Variants in GRID1 observed in about 807,000 individuals in gnomAD.
GRID1 encodes the protein glutamate receptor ionotropic, delta-1.
In GRID1, 28 loss-of-function variants were observed where a neutral mutation model predicts 98.0. The ratio of observed to expected loss-of-function variants is 0.29; its 90% CI spans 0.21 to 0.39. The LOEUF (loss-of-function observed/expected upper bound fraction) is 0.39, where lower values mean the gene tolerates loss of function less well. Ranked by LOEUF, GRID1 falls within the 10% of genes least tolerant of loss-of-function variation. GRID1 has a pLI of 1.00. For missense variants in GRID1, 1,111 were observed against 1,340.5 expected, an observed-to-expected ratio of 0.83 and a Z score of 2.67; for synonymous variants, 553 against 538.5, an observed-to-expected ratio of 1.03 and a Z score of -0.37.
At chr10:86,113,756 A>G (rs544888182) in intron 4 of GRID1, among the ~76,000 whole-genome samples, 1 of 152,308 alleles carries the variant, frequency 6.6e-6, no homozygotes, top group South Asian at 2.1e-4. Context: ...GGCTGGGCTC[A>G]TCAAGAAGAC....
At chr10:85,757,280 G>A (rs1459430299) in intron 8 of GRID1, among the ~76,000 whole-genome samples, 1 of 152,158 alleles carries the variant, frequency 6.6e-6, no homozygotes, top group Non-Finnish European at 1.5e-5. Context: ...TGGATGAGAA[G>A]GAAAGTTTTC....
intron 4 of GRID1, among the ~76,000 whole-genome samples, chr10:86,062,978 C>T (rs903799186): frequency 3.3e-5 from 5 of 152,248 alleles, no homozygotes; most frequent in African/African-American, 1.2e-4. Flanking sequence ...GTGGGTCCTA[C>T]CCAGAACTTG....
intron 4 of GRID1, among the ~76,000 whole-genome samples, chr10:85,990,151 C>T (rs1157460012): frequency 1.5e-4 from 23 of 152,156 alleles, no homozygotes; most frequent in Admixed American, 1.5e-3. Context: ...GACACCTTTG[C>T]AAATTATTCA....
At chr10:86,180,649 A>C (rs1055381203) in intron 3 of GRID1, among the ~76,000 whole-genome samples, 4 of 152,138 alleles carry the variant, frequency 2.6e-5, no homozygotes, top group Admixed American at 2.6e-4. Context: ...ACATATGCCA[A>C]AAGCTGCTCC....
chr10:85,619,994 C>A lies in GRID1; in HGVS notation c.2233G>T (p.Val745Leu), dbSNP rs747770345. The A allele has an allele frequency of 1.1e-5, 18 of 1,613,972 alleles. No individual in the cohort carries two copies. Among genetic ancestry groups the A allele is most frequent in the Non-Finnish European group, 1.5e-5 (18 of 1,179,942 alleles). ...GNYAFLWDVAVVEYAALTDDD... is the reference protein window; with the variant it reads ...GNYAFLWDVALVEYAALTDDD... ...TCCGTCAGGGCTGCGTATTCCACCA[C>A]GGCCACATCCCACAGGAAGGCGTAG... The change falls in exon 14 of 16, where the codon GTG (valine) becomes TTG (leucine). Residue 745 changes from valine to leucine, a missense_variant. Transcript: ENST00000327946.
intron 8 of GRID1, among the ~76,000 whole-genome samples, chr10:85,734,798 C>T (rs1255280016): frequency 1.3e-5 from 2 of 152,228 alleles, no homozygotes; most frequent in South Asian, 2.1e-4. Context: ...CAAGGCCATC[C>T]GTCTGCAATC....
chr10:86,281,727 G>GT (rs1000338486), intron 2 of GRID1, among the ~76,000 whole-genome samples: 1 of 152,104 alleles, frequency 6.6e-6, no homozygotes, highest in East Asian at 1.9e-4. Flanking sequence ...AGCTGGGGAG[G>GT]TTTTTTAAAA....
intron 3 of GRID1, among the ~76,000 whole-genome samples, chr10:86,194,266 C>T (rs552984805): frequency 1.3e-5 from 2 of 152,164 alleles, no homozygotes; most frequent in South Asian, 2.1e-4. Flanking sequence ...CCCTGTGTGA[C>T]GGCCAAGAAC....
At chr10:86,230,502 A>G (rs142826647) in intron 2 of GRID1, among the ~76,000 whole-genome samples, 2,286 of 152,246 alleles carry the variant, frequency 0.015, 63 homozygotes, top group African/African-American at 0.052. Flanking sequence ...GCTTCTCCTG[A>G]TCAGCTCTGG....
In GRID1 at chr10:85,601,876, T is replaced by G; in HGVS notation, c.*397A>C. Reference sequence around the variant, plus strand: ...CTGTGGGACAAGGCAGCGAGTGGCATGTGGGGTTCCTCGTCTTCCCTTCTC... The same window carrying G: ...CTGTGGGACAAGGCAGCGAGTGGCAGGTGGGGTTCCTCGTCTTCCCTTCTC... On this transcript the variant is annotated 3_prime_UTR_variant, in exon 16 of 16. Transcript: ENST00000327946. 2.3e-5 allele frequency: 4 copies of G among 172,464 alleles called. No homozygotes were observed. Among genetic ancestry groups the G allele is most frequent in the Non-Finnish European group, 3.7e-5 (3 of 81,298 alleles). The allele number at this position is 172,464 out of a possible 1,614,324, so 10.7% of individuals were successfully genotyped here.
rs139698646 is a variant in GRID1 at position 86,028,094 on chromosome 10, C to T, written c.726+110725G>A. Reference sequence around the variant, plus strand: ...TTCTCAAATTACACATCTCACAAGACGCTGAGATGCCATTCACCCACCAGG... The same window carrying T: ...TTCTCAAATTACACATCTCACAAGATGCTGAGATGCCATTCACCCACCAGG... On this transcript the variant is annotated intron_variant, in intron 4 of 15. Transcript: ENST00000327946. Among the ~76,000 whole-genome samples, 1,105 of 152,290 alleles carry T rather than the reference C, an allele frequency of 7.3e-3. 6 individuals carry two copies. Among genetic ancestry groups the T allele is most frequent in the Middle Eastern group, 0.014 (4 of 294 alleles).
chr10:85,741,519 C>T (rs944816312), intron 8 of GRID1, among the ~76,000 whole-genome samples: 1 of 152,086 alleles, frequency 6.6e-6, no homozygotes, highest in African/African-American at 2.4e-5. Context: ...AACATAGGCA[C>T]AGTAAAGTCG....
intron 13 of GRID1, among the ~76,000 whole-genome samples, chr10:85,641,677 G>T (rs553154593): frequency 1.5e-4 from 23 of 152,294 alleles, no homozygotes; most frequent in Non-Finnish European, 3.1e-4. Flanking sequence ...TCAAGTAGTC[G>T]GTTTCAGATG....
At chr10:85,773,737 G>T (rs1842298618) in intron 8 of GRID1, among the ~76,000 whole-genome samples, 1 of 152,090 alleles carries the variant, frequency 6.6e-6, no homozygotes, top group African/African-American at 2.4e-5. Context: ...GCTTCAAAGA[G>T]AATAAAATAC....
intron 12 of GRID1, among the ~76,000 whole-genome samples, chr10:85,684,616 T>C (rs772623739): frequency 3.3e-5 from 5 of 152,188 alleles, no homozygotes; most frequent in Non-Finnish European, 7.3e-5. Flanking sequence ...CTGTAAAACA[T>C]ATTAAACATC....
intron 4 of GRID1, among the ~76,000 whole-genome samples, chr10:85,933,755 T>C (rs935303729): frequency 6.6e-6 from 1 of 152,190 alleles, no homozygotes; most frequent in Non-Finnish European, 1.5e-5. Context: ...CCACAGCCCA[T>C]TTATATGAAC....
chr10:86,218,796 T>C (rs1313119760), intron 2 of GRID1, among the ~76,000 whole-genome samples: 1 of 152,214 alleles, frequency 6.6e-6, no homozygotes, highest in Admixed American at 6.5e-5. Context: ...TCAGTGTCAT[T>C]GACTGCTCCT....
intron 3 of GRID1, among the ~76,000 whole-genome samples, chr10:86,178,893 A>G (rs1845615128): frequency 6.6e-6 from 1 of 152,054 alleles, no homozygotes; most frequent in Admixed American, 6.6e-5. Flanking sequence ...TGTCGCTTTG[A>G]GCCAAGAGCC....
chr10:86,301,663 T>G (rs964779215), intron 2 of GRID1, among the ~76,000 whole-genome samples: 9 of 152,102 alleles, frequency 5.9e-5, no homozygotes, highest in African/African-American at 1.9e-4. Flanking sequence ...AGAAAGCCAG[T>G]GCATCCAAAA....
Sources: allele counts gnomAD v4.1 joint callset (sites outside exome capture counted in the v4.1 genomes callset), GRCh38; gene constraint gnomAD v4.1.1; transcripts MANE v1.5; gene names NCBI Gene and HGNC (gene_info 2026-07-23, HGNC 2026-07-21).